The following GPR158 variants were observed in gnomAD, a reference collection of about 807,000 sequenced individuals.
The protein encoded by GPR158 is metabotropic glycine receptor.
In GPR158, 30 loss-of-function variants were observed where a neutral mutation model predicts 78.2. The observed-to-expected ratio is 0.38, with a 90% CI of 0.29 to 0.52. The LOEUF (loss-of-function observed/expected upper bound fraction) is 0.52. Ranked by LOEUF, GPR158 falls within the 20% of genes least tolerant of loss-of-function variation. The pLI is 0.83. For synonymous variants in GPR158, 581 were observed against 591.1 expected (o/e 0.98, Z 0.25); for missense variants, 1,463 against 1,523.5 (o/e 0.96, Z 0.66).
chr10:25,400,751 T>G (rs959078833), intron 3 of GPR158, among the ~76,000 whole-genome samples: 4 of 152,238 alleles, frequency 2.6e-5, no homozygotes, highest in African/African-American at 9.6e-5. Flanking sequence ...TTATCTTTTG[T>G]GTGGATATAG....
intron 3 of GPR158, among the ~76,000 whole-genome samples, chr10:25,404,519 C>T (rs1166156519): frequency 1.3e-5 from 2 of 151,968 alleles, no homozygotes; most frequent in South Asian, 2.1e-4. Context: ...AGTTTTCAAC[C>T]TTATGTCTAG....
chr10:25,245,583 T>G (rs1853679660), intron 2 of GPR158, among the ~76,000 whole-genome samples: 4 of 152,170 alleles, frequency 2.6e-5, no homozygotes, highest in South Asian at 4.1e-4. Flanking sequence ...TGTGACATCA[T>G]TGACAATCTC....
rs368629004 is a variant in GPR158 at position 25,426,087 on chromosome 10, G to A, written c.1335+13614G>A. Among the ~76,000 whole-genome samples the A allele has an allele frequency of 2.0e-5, 3 of 152,208 alleles. No individual in the cohort carries two copies. In the East Asian group the frequency reaches 5.8e-4, roughly 29 times the overall value. On this transcript the variant is annotated intron_variant, in intron 4 of 10. Transcript: ENST00000376351. The stretch of plus-strand genomic sequence containing the variant: ...AATTTTCTAGTTGTATGACGCTAAG[G>A]TTGCATAGTTTAGCAAGTCATGGAA...
chr10:25,280,461 A>C (rs1055255642), intron 2 of GPR158, among the ~76,000 whole-genome samples: 1 of 152,228 alleles, frequency 6.6e-6, no homozygotes, highest in Non-Finnish European at 1.5e-5. Flanking sequence ...GATAGCTTTA[A>C]GTTATGTAAA....
intron 5 of GPR158, among the ~76,000 whole-genome samples, chr10:25,531,666 G>C (rs952600): frequency 0.53 from 80,041 of 152,032 alleles, 21,829 homozygotes; most frequent in African/African-American, 0.68. Context: ...AATTTATAAG[G>C]ATCTGGTAGG....
rs1837481321 is a variant in GPR158 at position 25,600,454 on chromosome 10, C to A, written c.*1180C>A. 1 of 152,088 alleles carries A rather than the reference C, an allele frequency of 6.6e-6. No homozygotes were observed. Among genetic ancestry groups the A allele is most frequent in the Admixed American group, 6.6e-5 (1 of 15,244 alleles). The allele number at this position is 152,088 out of a possible 1,614,324, so 9.4% of individuals were successfully genotyped here. A position where few individuals can be genotyped will look rare whatever the true frequency, so the allele number is the denominator to read the frequency against. On this transcript the variant is annotated 3_prime_UTR_variant, in exon 11 of 11. Transcript: ENST00000376351. ...CTTTCAAAAAAAAACACAGGTAGCT[C>A]CTGATAGCACTTTCAAGGGATTATT...
At position 25,594,403 on chromosome 10, in the gene GPR158, C is replaced by T; in HGVS notation, c.1998+6C>T. 3 of 1,304,794 alleles carry T rather than the reference C, an allele frequency of 2.3e-6. No homozygotes were observed. The highest frequency in any genetic ancestry group is 2.0e-5 in the Admixed American group (1 of 50,912). 80.8% of individuals were successfully genotyped at this position (1,304,794 alleles called of 1,614,324 possible). A position where few individuals can be genotyped will look rare whatever the true frequency, so the allele number is the denominator to read the frequency against. On this transcript the variant is annotated splice_donor_region_variant and intron_variant, in intron 9 of 10. Transcript: ENST00000376351. ...GGTTGCTTTTGATTCCAAAGGTATT[C>T]TTCTAATATTACTTTTTTTTTTGCA...
At chr10:25,463,395 CTGGATGGATGGATGGATGGATGGATGGA>C (rs10532888) in intron 4 of GPR158, among the ~76,000 whole-genome samples, 4 of 149,566 alleles carry the variant, frequency 2.7e-5, no homozygotes, top group Non-Finnish European at 5.9e-5. Flanking sequence ...TGAGGTTTGT[CTGGATGGATGGATGGATGGATGGATGGA>C]TGGATGGATG....
At chr10:25,192,616 T>C (rs528916547) in intron 1 of GPR158, among the ~76,000 whole-genome samples, 1 of 152,144 alleles carries the variant, frequency 6.6e-6, no homozygotes, top group Non-Finnish European at 1.5e-5. Context: ...GTAAACAATC[T>C]TATATATGTA....
intron 2 of GPR158, among the ~76,000 whole-genome samples, chr10:25,295,835 A>G (rs922232849): frequency 1.3e-5 from 2 of 152,112 alleles, no homozygotes; most frequent in African/African-American, 4.8e-5. Flanking sequence ...GTTTGCCTAA[A>G]ATACTTTTCC....
chr10:25,272,331 AAG>A (rs1854128133), intron 2 of GPR158, among the ~76,000 whole-genome samples: 1 of 152,186 alleles, frequency 6.6e-6, no homozygotes, highest in African/African-American at 2.4e-5. Flanking sequence ...TTCTTAATGA[AAG>A]AAAATTTTGA....
chr10:25,243,300 C>T (rs1412072611), intron 2 of GPR158, among the ~76,000 whole-genome samples: 3 of 152,016 alleles, frequency 2.0e-5, no homozygotes, highest in Non-Finnish European at 4.4e-5. Flanking sequence ...CCTCACTGGT[C>T]ATCAATAGAA....
chr10:25,304,082 T>G (rs1397125730), intron 2 of GPR158, among the ~76,000 whole-genome samples: 2 of 137,752 alleles, frequency 1.5e-5, no homozygotes. Context: ...TTATAAAGTT[T>G]GTAAGTTTTC....
At chr10:25,391,532 A>C (rs1271115044) in intron 2 of GPR158, among the ~76,000 whole-genome samples, 1 of 152,188 alleles carries the variant, frequency 6.6e-6, no homozygotes, top group Non-Finnish European at 1.5e-5. Flanking sequence ...GCTGGATTTT[A>C]GACTTTCATG....
At chr10:25,436,922 G>T (rs1188082330) in intron 4 of GPR158, among the ~76,000 whole-genome samples, 1 of 152,078 alleles carries the variant, frequency 6.6e-6, no homozygotes, top group Non-Finnish European at 1.5e-5. Flanking sequence ...AAAGAAAGAG[G>T]CAAAAGCAAT....
At chr10:25,531,345 G>A (rs1023684799) in intron 5 of GPR158, among the ~76,000 whole-genome samples, 8 of 152,056 alleles carry the variant, frequency 5.3e-5, no homozygotes, top group African/African-American at 1.7e-4. Context: ...AAAACCCCGC[G>A]TCCATGCTGG....
chr10:25,472,081 T>G (rs1835514212), intron 5 of GPR158, among the ~76,000 whole-genome samples: 1 of 152,280 alleles, frequency 6.6e-6, no homozygotes, highest in Non-Finnish European at 1.5e-5. Context: ...TCTTCTAGGG[T>G]TTTTATGGTT....
chr10:25,368,673 G>A (rs375582869), intron 2 of GPR158, among the ~76,000 whole-genome samples: 1 of 151,720 alleles, frequency 6.6e-6, no homozygotes, highest in East Asian at 1.9e-4. Flanking sequence ...AAAGCAGTGT[G>A]GTGATTCTTT....
intron 4 of GPR158, among the ~76,000 whole-genome samples, chr10:25,459,429 A>G (rs759627975): frequency 6.6e-6 from 1 of 152,144 alleles, no homozygotes; most frequent in East Asian, 1.9e-4. Context: ...ATAAAAGTAT[A>G]TTTATCTTCA....
Sources: gnomAD v4.1 joint callset for allele counts (sites outside exome capture counted in the v4.1 genomes callset) on GRCh38, gnomAD v4.1.1 for gene constraint, MANE v1.5 for transcripts, NCBI Gene and HGNC (gene_info 2026-07-23, HGNC 2026-07-21) for gene names.